Variants in IL16 observed in about 807,000 individuals in gnomAD.
IL16 encodes the protein interleukin 16.
A neutral mutation model predicts 110.1 loss-of-function variants in IL16; 67 were observed. The observed-to-expected ratio is 0.61, with a 90% CI of 0.50 to 0.75. The LOEUF (loss-of-function observed/expected upper bound fraction) is 0.75. Ranked by LOEUF, IL16 falls within the 30% of genes least tolerant of loss-of-function variation. IL16 has a pLI of 0.00. For synonymous variants in IL16, 689 were observed against 662.9 expected, an observed-to-expected ratio of 1.04 and a Z score of -0.61; for missense variants, 1,545 against 1,655.0, an observed-to-expected ratio of 0.93 and a Z score of 1.15.
intron 11 of IL16, among the ~76,000 whole-genome samples, chr15:81,291,015 T>C (rs1378883723): frequency 6.6e-6 from 1 of 152,182 alleles, no homozygotes; most frequent in Non-Finnish European, 1.5e-5. Flanking sequence ...TTATGCAAAT[T>C]TTATAAGAAA....
At chr15:81,280,752 C>T (rs1253484638) in intron 8 of IL16, among the ~76,000 whole-genome samples, 1 of 152,208 alleles carries the variant, frequency 6.6e-6, no homozygotes, top group East Asian at 1.9e-4. Context: ...CCTGAGGCCT[C>T]AGATGCCTCT....
At position 81,255,257 on chromosome 15, in the gene IL16, C is replaced by T. The variant is rs145648269; in HGVS notation, c.313-4515C>T. The stretch of plus-strand genomic sequence containing the variant: ...TTTCATAGGAAATTGCTACTTAGAC[C>T]TCAACTTGGGTCGAGATAGAACATT... On this transcript the variant is annotated intron_variant, in intron 2 of 18. Transcript: ENST00000683961. Among the ~76,000 whole-genome samples, 412 of 152,266 alleles carry T rather than the reference C, an allele frequency of 2.7e-3. 2 individuals are homozygous for T. The highest frequency in any genetic ancestry group is 4.2e-3 in the Non-Finnish European group (283 of 68,022).
At chr15:81,199,718 A>T (rs1032567651) in intron 1 of IL16, among the ~76,000 whole-genome samples, 1 of 152,178 alleles carries the variant, frequency 6.6e-6, no homozygotes, top group African/African-American at 2.4e-5. Flanking sequence ...ATGCTGGGGA[A>T]TGGTGCACCT....
At position 81,309,075 on chromosome 15, in the gene IL16, GATTT is replaced by G. The variant is rs1900720730; in HGVS notation, c.*281_*284del. 3 of 349,114 alleles carry G rather than the reference GATTT, an allele frequency of 8.6e-6. No homozygotes were observed. The highest frequency in any genetic ancestry group is 1.8e-4 in the South Asian group (2 of 10,852). 21.6% of individuals were successfully genotyped at this position (349,114 alleles called of 1,614,324 possible). A position where few individuals can be genotyped will look rare whatever the true frequency, so the allele number is the denominator to read the frequency against. ...ATATTGTGGTGCCACAAATAAAATGGATTTATTAGAATTTCATATGACATTCATG... is the reference window on the plus strand; with the variant it reads ...ATATTGTGGTGCCACAAATAAAATGGATTAGAATTTCATATGACATTCATG... On this transcript the variant is annotated 3_prime_UTR_variant, in exon 19 of 19. Transcript: ENST00000683961.
Position 81,299,953 on chromosome 15 carries a change from G to A in IL16, c.2627G>A (p.Gly876Glu), listed in dbSNP as rs772670711. The A allele has an allele frequency of 6.2e-7, 1 of 1,610,212 alleles. No individual in the cohort carries two copies. The highest frequency in any genetic ancestry group is 1.7e-5 in the Admixed American group (1 of 59,612). Residue 876 changes from glycine (G) to glutamate (E), a missense_variant, in exon 14 of 19, where the codon GGG becomes GAG. This residue lies in a region of IL16 where 1,185 missense variants were observed against 1,238.8 expected (regional missense o/e 0.96). Coordinates refer to ENST00000683961, the MANE Select transcript of IL16 (RefSeq NM_172217.5). ...TCTGGGGAGGCAGCAAAACCTCTTG[G>A]GAAGCATGAGGAAGGACGGTTTTCT... ...PSSGEAAKPLGKHEEGRFSGL... is the reference protein window; with the variant it reads ...PSSGEAAKPLEKHEEGRFSGL...
At chr15:81,268,007 C>T (rs568712213) in intron 4 of IL16, among the ~76,000 whole-genome samples, 5 of 152,358 alleles carry the variant, frequency 3.3e-5, no homozygotes, top group South Asian at 4.1e-4. Context: ...TTAACCACCA[C>T]GGATGTCCAT....
At chr15:81,291,039 A>C (rs1899693019) in intron 11 of IL16, among the ~76,000 whole-genome samples, 1 of 152,264 alleles carries the variant, frequency 6.6e-6, no homozygotes, top group Admixed American at 6.5e-5. Flanking sequence ...TGAGGCCCTC[A>C]GAGACTCTCT....
chr15:81,184,099 A>G (rs1184468823), intron 1 of IL16, among the ~76,000 whole-genome samples: 1 of 152,218 alleles, frequency 6.6e-6, no homozygotes, highest in Non-Finnish European at 1.5e-5. Flanking sequence ...TAGGGTGAGC[A>G]TTCAGGCGGC....
At chr15:81,200,308 A>T (rs1241601613) in intron 1 of IL16, among the ~76,000 whole-genome samples, 1 of 151,682 alleles carries the variant, frequency 6.6e-6, no homozygotes, top group Admixed American at 6.6e-5. Flanking sequence ...TAAAATGTAA[A>T]TTATTATGGT....
In IL16 at chr15:81,312,828, C is replaced by T. The variant is rs1900935370; in HGVS notation, c.*4030C>T. On this transcript the variant is annotated 3_prime_UTR_variant, in exon 19 of 19. Transcript: ENST00000683961. ...CACAGGACTGAGGGAGCGGTACATG[C>T]TTAAAAGGCAACAGGGCCTGGTTTT... 6.5e-6 allele frequency: 1 copy of T among 153,504 alleles called. No homozygotes were observed. Among genetic ancestry groups the T allele is most frequent in the Non-Finnish European group, 1.5e-5 (1 of 68,736 alleles). 9.5% of individuals were successfully genotyped at this position (153,504 alleles called of 1,614,324 possible).
Position 81,297,135 on chromosome 15 carries a change from A to G in IL16, c.2053+57A>G. On this transcript the variant is annotated intron_variant, in intron 13 of 18. Coordinates refer to ENST00000683961, the MANE Select transcript of IL16 (RefSeq NM_172217.5). ...GGGTCTTTTGAAAAAAGGTGCAGGG[A>G]TAAGATAAGAGCACAAATTGGCCTG... 5 of 1,549,570 alleles carry G rather than the reference A, an allele frequency of 3.2e-6. 1 individual carries two copies. In the South Asian group the frequency reaches 5.8e-5, roughly 18 times the overall value.
rs1297716592 is a variant in IL16 at position 81,303,309 on chromosome 15, G to C, written c.3319-240G>C. 6.2e-6 allele frequency: 3 copies of C among 480,096 alleles called. No individual in the cohort carries two copies. Among genetic ancestry groups the C allele is most frequent in the African/African-American group, 5.9e-5 (3 of 50,960 alleles). 29.7% of individuals were successfully genotyped at this position (480,096 alleles called of 1,614,324 possible). A position where few individuals can be genotyped will look rare whatever the true frequency, so the allele number is the denominator to read the frequency against. On this transcript the variant is annotated intron_variant, in intron 15 of 18. Transcript: ENST00000683961. The surrounding 1 kb of genome is among the most constrained non-coding windows in gnomAD (Gnocchi z 4.1). ...CTGCCCGGCTGTGGACAGGGTGAAT[G>C]AGAGAGGAAAATAATTATGCTTGCT...
At chr15:81,205,864 T>G (rs1044086481) in intron 1 of IL16, among the ~76,000 whole-genome samples, 1 of 152,188 alleles carries the variant, frequency 6.6e-6, no homozygotes, top group African/African-American at 2.4e-5. Context: ...GAGGTGTCAG[T>G]GTTAATTTTG....
chr15:81,253,384 A>G (rs1011324594), intron 2 of IL16, among the ~76,000 whole-genome samples: 2 of 152,174 alleles, frequency 1.3e-5, no homozygotes, highest in African/African-American at 4.8e-5. Flanking sequence ...GTCCCTTATC[A>G]GATATATGAT....
At chr15:81,282,779 G>A (rs768395689) in intron 9 of IL16, 23 bp downstream of exon 9, 2 of 1,490,564 alleles carry the variant, frequency 1.3e-6, no homozygotes, top group East Asian at 4.5e-5. Flanking sequence ...TTCTGTTTCT[G>A]AATATACCCC....
At chr15:81,232,042 GTTTTTT>G in intron 2 of IL16, among the ~76,000 whole-genome samples, 2 of 57,694 alleles carry the variant, frequency 3.5e-5, no homozygotes, top group Non-Finnish European at 6.7e-5. Flanking sequence ...ATTTGTTCTT[GTTTTTT>G]TTTTTTTTTT....
At position 81,225,638 on chromosome 15, in the gene IL16, C is replaced by A. The variant is rs759603341; in HGVS notation, c.239C>A (p.Ala80Asp). The A allele has an allele frequency of 1.1e-5, 18 of 1,613,918 alleles. No individual in the cohort carries two copies. Among genetic ancestry groups the A allele is most frequent in the Middle Eastern group, 1.6e-4 (1 of 6,084 alleles). ...GPSSVPDLAL[A>D]SEAAQLQAAG... ...AGCAGTGTTCCTGATCTAGCACTGGCCTCGGAGGCTGCTCAACTCCAAGCA... is the reference window on the plus strand; with the variant it reads ...AGCAGTGTTCCTGATCTAGCACTGGACTCGGAGGCTGCTCAACTCCAAGCA... Residue 80 changes from alanine to aspartate, a missense_variant, in exon 2 of 19, where the codon GCC becomes GAC. Ala to Asp is a moderately radical substitution (Grantham distance 126). This residue lies in a region of IL16 where 1,185 missense variants were observed against 1,238.8 expected (regional missense o/e 0.96). Transcript: ENST00000683961.
At chr15:81,284,552 A>C (rs1466650448) in intron 9 of IL16, among the ~76,000 whole-genome samples, 1 of 152,214 alleles carries the variant, frequency 6.6e-6, no homozygotes, top group Non-Finnish European at 1.5e-5. Context: ...TGCTTTCCTT[A>C]GCATCTGGTG....
At chr15:81,249,946 A>C (rs1156473249) in intron 2 of IL16, among the ~76,000 whole-genome samples, 1 of 152,038 alleles carries the variant, frequency 6.6e-6, no homozygotes, top group Non-Finnish European at 1.5e-5. Flanking sequence ...TACACTTTTC[A>C]TCCATCTATT....
Sources: gnomAD v4.1 joint callset for allele counts (sites outside exome capture counted in the v4.1 genomes callset) on GRCh38, gnomAD v4.1.1 for gene constraint, gnomAD v4.1.1 regional missense constraint, Gnocchi (gnomAD v3.1) non-coding constraint, MANE v1.5 for transcripts, NCBI Gene and HGNC (gene_info 2026-07-23, HGNC 2026-07-21) for gene names.